CTNNA3: variants seen among roughly 807,000 people sequenced by gnomAD.
CTNNA3 encodes catenin alpha-3.
CTNNA3 carries 76 observed loss-of-function variants against 95.7 expected under a neutral mutation model. The observed-to-expected ratio is 0.79, with a 90% CI of 0.66 to 0.96. The LOEUF is 0.96. Ranked by LOEUF, CTNNA3 falls within the 40% of genes least tolerant of loss-of-function variation. The probability of loss-of-function intolerance (pLI) is 0.00; values close to 1 mark genes in which losing one functional copy is unlikely to be tolerated. For missense variants in CTNNA3, 1,191 were observed against 1,089.8 expected (o/e 1.09, Z -1.31); for synonymous variants, 431 against 374.4 (o/e 1.15, Z -1.74).
rs560522388 is a variant in CTNNA3 at position 66,708,698 on chromosome 10, G to A, written c.1281+57566C>T. Among the ~76,000 whole-genome samples, 25 of 152,128 alleles carry A rather than the reference G, an allele frequency of 1.6e-4. No homozygotes were observed. The South Asian group carries it at 3.9e-3, about 24-fold the overall frequency. ...CTCTCTCAAATAATATTTTTACTGAGTATCACTGAATTTAGAGCCAAAAGA... is the reference window on the plus strand; with the variant it reads ...CTCTCTCAAATAATATTTTTACTGAATATCACTGAATTTAGAGCCAAAAGA... On this transcript the variant is annotated intron_variant, in intron 9 of 17. Transcript: ENST00000433211.
At chr10:66,858,653 T>G (rs140440865) in intron 7 of CTNNA3, among the ~76,000 whole-genome samples, 4 of 152,184 alleles carry the variant, frequency 2.6e-5, no homozygotes, top group East Asian at 3.9e-4. Flanking sequence ...TTCCAAAAAT[T>G]TATCCGTTTC....
chr10:66,146,221 A>G (rs2083879686), intron 13 of CTNNA3, among the ~76,000 whole-genome samples: 1 of 152,210 alleles, frequency 6.6e-6, no homozygotes, highest in Admixed American at 6.5e-5. Flanking sequence ...AATTCAAAAT[A>G]CTGGCCCTTC....
At chr10:66,602,960 C>T (rs1843984786) in intron 10 of CTNNA3, among the ~76,000 whole-genome samples, 1 of 152,002 alleles carries the variant, frequency 6.6e-6, no homozygotes, top group Non-Finnish European at 1.5e-5. Flanking sequence ...ACAATAAAGG[C>T]CATATGTGAC....
At chr10:67,493,618 T>C (rs562964253) in intron 5 of CTNNA3, among the ~76,000 whole-genome samples, 4 of 152,070 alleles carry the variant, frequency 2.6e-5, no homozygotes, top group Non-Finnish European at 4.4e-5. Context: ...TTAAGGTATA[T>C]ATTAACATTT....
chr10:67,230,210 A>C (rs546010373), intron 5 of CTNNA3, among the ~76,000 whole-genome samples: 1 of 152,330 alleles, frequency 6.6e-6, no homozygotes, highest in African/African-American at 2.4e-5. Context: ...AAACAAAAAC[A>C]CAAAGTGAGG....
At chr10:66,721,739 C>T (rs111453864) in intron 9 of CTNNA3, among the ~76,000 whole-genome samples, 1 of 152,170 alleles carries the variant, frequency 6.6e-6, no homozygotes, top group Non-Finnish European at 1.5e-5. Flanking sequence ...GGCTCTTCAT[C>T]GCTACTGTTA....
chr10:66,673,741 A>G (rs1161263434), intron 9 of CTNNA3, among the ~76,000 whole-genome samples: 1 of 152,054 alleles, frequency 6.6e-6, no homozygotes, highest in East Asian at 1.9e-4. Context: ...TCATCATTTC[A>G]AAGAAACATC....
At chr10:66,625,594 G>A (rs923650258) in intron 9 of CTNNA3, among the ~76,000 whole-genome samples, 1 of 152,066 alleles carries the variant, frequency 6.6e-6, no homozygotes, top group African/African-American at 2.4e-5. Flanking sequence ...TCGCCATGTT[G>A]GCTAAGCTGG....
At chr10:67,267,379 T>G (rs1268865233) in intron 5 of CTNNA3, among the ~76,000 whole-genome samples, 1 of 152,184 alleles carries the variant, frequency 6.6e-6, no homozygotes, top group East Asian at 1.9e-4. Flanking sequence ...CTTTTTTTGT[T>G]TTTGAGATGG....
intron 5 of CTNNA3, among the ~76,000 whole-genome samples, chr10:67,248,973 G>C (rs186366366): frequency 2.7e-4 from 41 of 152,206 alleles, no homozygotes; most frequent in Non-Finnish European, 1.6e-4. Flanking sequence ...TAATATAAGA[G>C]CTAAAACTAT....
At chr10:66,881,278 G>A (rs1844843303) in intron 7 of CTNNA3, among the ~76,000 whole-genome samples, 1 of 152,084 alleles carries the variant, frequency 6.6e-6, no homozygotes, top group East Asian at 1.9e-4. Flanking sequence ...GAGTTAAATG[G>A]TCTTCCAACA....
At chr10:66,795,609 T>C (rs1841154749) in intron 7 of CTNNA3, among the ~76,000 whole-genome samples, 1 of 152,176 alleles carries the variant, frequency 6.6e-6, no homozygotes, top group South Asian at 2.1e-4. Context: ...CCAGCTGCTC[T>C]AGCCACCAAC....
rs187099569 is a variant in CTNNA3, at chr10:66,053,046, G to C, written c.2159+16262C>G. Among the ~76,000 whole-genome samples the C allele has an allele frequency of 3.4e-4, 51 of 151,446 alleles. No individual in the cohort carries two copies. In the East Asian group the frequency reaches 9.5e-3, roughly 28 times the overall value. ...ACTCTAACTAAGAGTTCTTGAAACA[G>C]ACAGCGAGAATAAGGCTGACAAAAA... On this transcript the variant is annotated intron_variant, in intron 15 of 17. Coordinates refer to ENST00000433211, the MANE Select transcript of CTNNA3 (RefSeq NM_013266.4).
rs184062986 is a variant in CTNNA3 at position 66,799,202 on chromosome 10, T to G, written c.1048-23678A>C. Among the ~76,000 whole-genome samples the G allele has an allele frequency of 7.4e-3, 1,121 of 151,622 alleles. 23 individuals are homozygous for G. The highest frequency in any genetic ancestry group is 0.073 in the East Asian group (378 of 5,154). On this transcript the variant is annotated intron_variant, in intron 7 of 17. Coordinates refer to ENST00000433211, the MANE Select transcript of CTNNA3 (RefSeq NM_013266.4). ...AATATATGATCCACTGTGAATAGCT[T>G]ACAATAAAAAATAAATAGTCATGTA...
intron 15 of CTNNA3, among the ~76,000 whole-genome samples, chr10:66,043,230 T>C (rs921307199): frequency 1.4e-4 from 20 of 148,028 alleles, no homozygotes; most frequent in African/African-American, 4.0e-4. Flanking sequence ...GAAAAGGACA[T>C]GTGGGGGAAA....
At chr10:66,176,763 G>A (rs1258517173) in intron 13 of CTNNA3, among the ~76,000 whole-genome samples, 2 of 152,006 alleles carry the variant, frequency 1.3e-5, no homozygotes, top group Non-Finnish European at 2.9e-5. Flanking sequence ...AATATGCCTT[G>A]ATTTTGGACT....
At chr10:66,231,602 A>G (rs556217402) in intron 13 of CTNNA3, among the ~76,000 whole-genome samples, 8 of 152,318 alleles carry the variant, frequency 5.3e-5, no homozygotes, top group Non-Finnish European at 8.8e-5. Context: ...ATACAATGTA[A>G]TTAGTGGTTT....
chr10:66,189,694 A>G (rs1304777671), intron 13 of CTNNA3, among the ~76,000 whole-genome samples: 1 of 150,344 alleles, frequency 6.7e-6, no homozygotes, highest in African/African-American at 2.5e-5. Context: ...TTTCTTTTAA[A>G]TTACATAGTA....
intron 7 of CTNNA3, among the ~76,000 whole-genome samples, chr10:67,138,471 T>C (rs191458610): frequency 6.6e-6 from 1 of 152,358 alleles, no homozygotes; most frequent in African/African-American, 2.4e-5. Flanking sequence ...ATCTAACTTA[T>C]CTATACTGCT....
Sources: gnomAD v4.1 joint callset for allele counts (sites outside exome capture counted in the v4.1 genomes callset) on GRCh38, gnomAD v4.1.1 for gene constraint, MANE v1.5 for transcripts, NCBI Gene and HGNC (gene_info 2026-07-23, HGNC 2026-07-21) for gene names.